BCAS3: variants seen among roughly 807,000 people sequenced by gnomAD.
BCAS3 encodes BCAS4/BCAS3 fusion.
BCAS3 carries 53 observed loss-of-function variants against 116.1 expected under a neutral mutation model. The ratio of observed to expected loss-of-function variants is 0.46; its 90% CI spans 0.37 to 0.57. BCAS3 has a LOEUF of 0.57. Ranked by LOEUF, BCAS3 falls within the 20% of genes least tolerant of loss-of-function variation. BCAS3 has a pLI of 0.00. For synonymous variants in BCAS3, 391 were observed against 408.2 expected (o/e 0.96, Z 0.51); for missense variants, 917 against 1,165.4 (o/e 0.79, Z 3.10).
intron 21 of BCAS3, among the ~76,000 whole-genome samples, chr17:61,079,587 TTTTA>T (rs570094575): frequency 7.9e-5 from 12 of 152,040 alleles, no homozygotes; most frequent in Non-Finnish European, 1.8e-4. Context: ...CTCTATTTTA[TTTTA>T]TTTATTTTTT....
At chr17:60,905,247 A>G (rs2058127225) in intron 11 of BCAS3, among the ~76,000 whole-genome samples, 2 of 152,194 alleles carry the variant, frequency 1.3e-5, no homozygotes, top group African/African-American at 4.8e-5. Flanking sequence ...ATTCTTCAGT[A>G]TATAGGACGC....
chr17:61,014,739 T>C (rs2065334998), intron 15 of BCAS3, among the ~76,000 whole-genome samples: 1 of 151,846 alleles, frequency 6.6e-6, no homozygotes, highest in South Asian at 2.1e-4. Flanking sequence ...AGAAAATCCT[T>C]AGGAATCCAG....
intron 5 of BCAS3, among the ~76,000 whole-genome samples, chr17:60,710,641 C>T (rs1458836501): frequency 1.3e-5 from 2 of 151,792 alleles, no homozygotes; most frequent in African/African-American, 4.8e-5. Flanking sequence ...CCACGTTAGC[C>T]AGGATGATCT....
rs543351040 is a variant in BCAS3 at position 61,316,536 on chromosome 17, C to T, written c.2426-51791C>T. On this transcript the variant is annotated intron_variant, in intron 22 of 23. Transcript: ENST00000407086. The surrounding 1 kb of genome is among the most constrained non-coding windows in gnomAD (Gnocchi z 5.8). ...TCCACATGCCGCCGCGTCCCTTCCA[C>T]AGCTCCCCTGCAGTAGCACCCCTCT... is the stretch of plus-strand genomic sequence containing the variant. Among the ~76,000 whole-genome samples, 5 of 152,188 alleles carry T rather than the reference C, an allele frequency of 3.3e-5. No individual in the cohort carries two copies. The highest frequency in any genetic ancestry group is 6.5e-5 in the Admixed American group (1 of 15,286).
chr17:61,067,718 CAAACAAACA>C (rs1421979969), intron 19 of BCAS3, among the ~76,000 whole-genome samples: 1 of 87,876 alleles, frequency 1.1e-5, no homozygotes, highest in African/African-American at 3.9e-5. Flanking sequence ...CCATCTCAAA[CAAACAAACA>C]AAAAAAAAAA....
At chr17:61,357,700 C>T (rs981790888) in intron 22 of BCAS3, among the ~76,000 whole-genome samples, 62 of 149,578 alleles carry the variant, frequency 4.1e-4, no homozygotes, top group Admixed American at 2.6e-3. Context: ...CCTCAGCCTC[C>T]CAAAGTACTG....
intron 6 of BCAS3, among the ~76,000 whole-genome samples, chr17:60,771,958 A>G (rs1480891695): frequency 6.6e-6 from 1 of 152,170 alleles, no homozygotes; most frequent in Non-Finnish European, 1.5e-5. Flanking sequence ...TCTATCATTG[A>G]TGGACATTTG....
chr17:61,173,526 T>C (rs12948740), intron 22 of BCAS3, among the ~76,000 whole-genome samples: 107,909 of 151,482 alleles, frequency 0.71, 39,553 homozygotes, highest in South Asian at 0.87. Flanking sequence ...AAACAGTACT[T>C]AGAGGGAAAT....
chr17:60,765,994 G>T (rs1300874717), intron 6 of BCAS3, among the ~76,000 whole-genome samples: 1 of 152,158 alleles, frequency 6.6e-6, no homozygotes, highest in Non-Finnish European at 1.5e-5. Context: ...TGAAGCATGT[G>T]CATGTGTCAC....
intron 22 of BCAS3, among the ~76,000 whole-genome samples, chr17:61,303,488 C>T (rs748826880): frequency 3.9e-5 from 6 of 152,260 alleles, no homozygotes; most frequent in East Asian, 1.9e-4. Flanking sequence ...ACTCAGCTTC[C>T]GGGATGGTGA....
chr17:60,835,759 G>A (rs777568857), intron 7 of BCAS3, among the ~76,000 whole-genome samples: 20 of 152,008 alleles, frequency 1.3e-4, no homozygotes, highest in Non-Finnish European at 2.8e-4. Flanking sequence ...TTATAACAAT[G>A]GGTGGTATTT....
intron 22 of BCAS3, among the ~76,000 whole-genome samples, chr17:61,271,591 G>GTGTA (rs773733496): frequency 2.7e-5 from 1 of 36,980 alleles, no homozygotes; most frequent in Non-Finnish European, 7.2e-5. Flanking sequence ...GCCCAGCTCT[G>GTGTA]TGTGTGTGTG....
chr17:61,359,046 T>C (rs1006825839), intron 22 of BCAS3, among the ~76,000 whole-genome samples: 1 of 152,142 alleles, frequency 6.6e-6, no homozygotes, highest in Non-Finnish European at 1.5e-5. Flanking sequence ...GTGCACATAC[T>C]CACCATACGC....
chr17:61,337,572 CA>C lies in BCAS3; in HGVS notation c.2426-30752del, dbSNP rs36101112. ...CAGGCTTCCCTCGCCTTTGATTTGCCAAATTCCATGTGAACAGCCTCTGCGT... is the reference window on the plus strand; with the variant it reads ...CAGGCTTCCCTCGCCTTTGATTTGCCAATTCCATGTGAACAGCCTCTGCGT... On this transcript the variant is annotated intron_variant, in intron 22 of 23. Coordinates refer to ENST00000407086, the MANE Select transcript of BCAS3 (RefSeq NM_017679.5). The surrounding 1 kb of genome is among the most constrained non-coding windows in gnomAD (Gnocchi z 4.8). 6.6e-6 allele frequency among the ~76,000 whole-genome samples: 1 copy of C among 152,184 alleles called. No homozygotes were observed. The highest frequency in any genetic ancestry group is 1.5e-5 in the Non-Finnish European group (1 of 68,044).
chr17:60,907,002 A>G (rs1934274335), intron 11 of BCAS3, among the ~76,000 whole-genome samples: 1 of 152,170 alleles, frequency 6.6e-6, no homozygotes, highest in African/African-American at 2.4e-5. Flanking sequence ...GTTATATAGA[A>G]GGATGAATTA....
chr17:60,749,992 C>A (rs1663186506), intron 6 of BCAS3, among the ~76,000 whole-genome samples: 3 of 152,046 alleles, frequency 2.0e-5, no homozygotes, highest in African/African-American at 7.2e-5. Context: ...ATAGTGAAAC[C>A]TCGTCTCTAC....
At chr17:60,974,771 CT>C (rs2062188963) in intron 14 of BCAS3, among the ~76,000 whole-genome samples, 1 of 152,030 alleles carries the variant, frequency 6.6e-6, no homozygotes, top group East Asian at 1.9e-4. Flanking sequence ...GTATTTGTAT[CT>C]CATTAGTTGA....
At chr17:61,049,085 G>T (rs2068602832) in intron 19 of BCAS3, among the ~76,000 whole-genome samples, 1 of 151,842 alleles carries the variant, frequency 6.6e-6, no homozygotes, top group Non-Finnish European at 1.5e-5. Context: ...GATTGCTTGA[G>T]GTCAGGAGTT....
chr17:61,045,173 T>C (rs2067930106), intron 19 of BCAS3, among the ~76,000 whole-genome samples: 1 of 152,022 alleles, frequency 6.6e-6, no homozygotes, highest in Non-Finnish European at 1.5e-5. Flanking sequence ...TCTGGGACTT[T>C]TGGTACAATT....
Sources: gnomAD v4.1 joint callset for allele counts (sites outside exome capture counted in the v4.1 genomes callset) on GRCh38, gnomAD v4.1.1 for gene constraint, Gnocchi (gnomAD v3.1) non-coding constraint, MANE v1.5 for transcripts, NCBI Gene and HGNC (gene_info 2026-07-23, HGNC 2026-07-21) for gene names.